Variants in ANKRD11 observed in about 807,000 individuals in gnomAD.
The protein encoded by ANKRD11 is ankyrin repeat domain 11.
Under a neutral mutation model 195.7 loss-of-function variants are expected in ANKRD11, and 17 were observed. The observed-to-expected ratio is 0.09, with a 90% CI of 0.06 to 0.13. ANKRD11 has a LOEUF of 0.13. Among genes scored for constraint, ANKRD11 ranks in the 10% least tolerant of loss-of-function variants. ANKRD11 has a pLI of 1.00. For synonymous variants in ANKRD11, 1,953 were observed against 1,528.1 expected, an observed-to-expected ratio of 1.28 and a Z score of -6.49; for missense variants, 3,735 against 3,566.1, an observed-to-expected ratio of 1.05 and a Z score of -1.21.
chr16:89,309,953 A>G (rs1482586175), intron 3 of ANKRD11, among the ~76,000 whole-genome samples: 4 of 152,146 alleles, frequency 2.6e-5, no homozygotes, highest in African/African-American at 7.2e-5. Flanking sequence ...TTATGACACG[A>G]GGTAGGCTCT....
chr16:89,390,480 T>A (rs918313778), intron 2 of ANKRD11, among the ~76,000 whole-genome samples: 3 of 151,938 alleles, frequency 2.0e-5, no homozygotes, highest in Non-Finnish European at 4.4e-5. Flanking sequence ...CAGAAAAAAA[T>A]ACGTGAAGGA....
intron 2 of ANKRD11, among the ~76,000 whole-genome samples, chr16:89,336,969 A>T (rs938788741): frequency 1.5e-5 from 2 of 132,566 alleles, no homozygotes; most frequent in African/African-American, 5.6e-5. Flanking sequence ...CAGGAGGTGG[A>T]GACTAGCCTG....
At position 89,490,555 on chromosome 16, in the gene ANKRD11, G is replaced by T; in HGVS notation, c.-455C>A. 7.1e-6 allele frequency: 3 copies of T among 423,560 alleles called. No individual in the cohort carries two copies. The highest frequency in any genetic ancestry group is 4.4e-5 in the Admixed American group (1 of 22,980). 26.2% of individuals were successfully genotyped at this position (423,560 alleles called of 1,614,324 possible). A position where few individuals can be genotyped will look rare whatever the true frequency, so the allele number is the denominator to read the frequency against. ...GGTCCATCGCGCACCGTCTCAGGGC[G>T]GCCTCTGGCTCCAGGACCCAGCGGC... On this transcript the variant is annotated 5_prime_UTR_variant, in exon 1 of 13. Transcript: ENST00000301030.
chr16:89,285,759 C>T lies in ANKRD11; in HGVS notation c.893-110G>A, dbSNP rs964836460. 7.9e-7 allele frequency: 1 copy of T among 1,273,006 alleles called. No individual in the cohort carries two copies. Among genetic ancestry groups the T allele is most frequent in the Non-Finnish European group, 1.1e-6 (1 of 884,674 alleles). 78.9% of individuals were successfully genotyped at this position (1,273,006 alleles called of 1,614,324 possible). On this transcript the variant is annotated intron_variant, in intron 8 of 12. Coordinates refer to ENST00000301030, the MANE Select transcript of ANKRD11 (RefSeq NM_013275.6). The surrounding 1 kb of genome is among the most constrained non-coding windows in gnomAD (Gnocchi z 5.6). ...TGTCTGCGGGAAGGTTCCCACCCTGCCTCTGCAGAGACACTTTGCTCGACT... is the reference window on the plus strand; with the variant it reads ...TGTCTGCGGGAAGGTTCCCACCCTGTCTCTGCAGAGACACTTTGCTCGACT...
chr16:89,430,790 A>T (rs2042945053), intron 1 of ANKRD11, among the ~76,000 whole-genome samples: 1 of 152,158 alleles, frequency 6.6e-6, no homozygotes, highest in Non-Finnish European at 1.5e-5. Context: ...CACCAAAATG[A>T]ATTGTTTCTT....
chr16:89,474,425 T>G lies in ANKRD11; in HGVS notation c.-145+15820A>C, dbSNP rs117928025. ...TGAGCCCAGGACCTTGAGACCAGCCTGGGCAACATGGTGAGACCCTGTCTC... is the reference window on the plus strand; with the variant it reads ...TGAGCCCAGGACCTTGAGACCAGCCGGGGCAACATGGTGAGACCCTGTCTC... On this transcript the variant is annotated intron_variant, in intron 1 of 12. Coordinates refer to ENST00000301030, the MANE Select transcript of ANKRD11 (RefSeq NM_013275.6). Among the ~76,000 whole-genome samples, 200 of 150,550 alleles carry G rather than the reference T, an allele frequency of 1.3e-3. 2 individuals carry two copies. In the East Asian group the frequency reaches 0.036, roughly 27 times the overall value.
chr16:89,355,262 A>G (rs2039417358), intron 2 of ANKRD11, among the ~76,000 whole-genome samples: 1 of 150,216 alleles, frequency 6.7e-6, no homozygotes, highest in South Asian at 2.1e-4. Context: ...GAGGCTCGGA[A>G]GGCGGGCAGA....
At chr16:89,407,686 T>A (rs747485) in intron 2 of ANKRD11, among the ~76,000 whole-genome samples, 12 of 150,150 alleles carry the variant, frequency 8.0e-5, no homozygotes, top group Non-Finnish European at 1.6e-4. Context: ...CACACACACA[T>A]AGACACACAC....
At chr16:89,454,068 A>G (rs1270200688) in intron 1 of ANKRD11, among the ~76,000 whole-genome samples, 1 of 152,150 alleles carries the variant, frequency 6.6e-6, no homozygotes, top group Non-Finnish European at 1.5e-5. Context: ...TCCTTCCACA[A>G]TGCAAATGAC....
chr16:89,355,697 A>G (rs2039439173), intron 2 of ANKRD11, among the ~76,000 whole-genome samples: 1 of 152,196 alleles, frequency 6.6e-6, no homozygotes, highest in Non-Finnish European at 1.5e-5. Flanking sequence ...AAACCCAAAG[A>G]TGCTCACTTG....
intron 7 of ANKRD11, chr16:89,286,489 G>T: frequency 1.9e-6 from 1 of 516,088 alleles, no homozygotes; most frequent in Non-Finnish European, 3.2e-6. Flanking sequence ...CTCCGTTGCC[G>T]CAAGTAGACG....
intron 1 of ANKRD11, among the ~76,000 whole-genome samples, chr16:89,438,143 G>A (rs1238851078): frequency 6.6e-6 from 1 of 152,222 alleles, no homozygotes; most frequent in Non-Finnish European, 1.5e-5. Context: ...CGAACCGCGT[G>A]CGCAGCCCAG....
intron 1 of ANKRD11, among the ~76,000 whole-genome samples, chr16:89,469,840 G>C (rs1250206780): frequency 7.9e-6 from 1 of 125,842 alleles, no homozygotes; most frequent in Non-Finnish European, 1.7e-5. Flanking sequence ...GGCAGTTGCA[G>C]GGAGCCAAGA....
chr16:89,375,098 G>A (rs550139585), intron 2 of ANKRD11, among the ~76,000 whole-genome samples: 7 of 152,056 alleles, frequency 4.6e-5, no homozygotes, highest in African/African-American at 1.4e-4. Context: ...ACGTAACGTC[G>A]CAGGCTCAAG....
chr16:89,291,633 C>T lies in ANKRD11; in HGVS notation c.227-450G>A, dbSNP rs1416411053. 8.0e-7 allele frequency: 1 copy of T among 1,254,300 alleles called. No homozygotes were observed. The highest frequency in any genetic ancestry group is 1.0e-6 in the Non-Finnish European group (1 of 955,912). 77.7% of individuals were successfully genotyped at this position (1,254,300 alleles called of 1,614,324 possible). ...CAGTGCAGATATAAAATGGCAGACA[C>T]AGTTTAAAACACATCAGTAAATCAA... is the stretch of plus-strand genomic sequence containing the variant. On this transcript the variant is annotated intron_variant, in intron 4 of 12. Transcript: ENST00000301030. The surrounding 1 kb of genome is among the most constrained non-coding windows in gnomAD (Gnocchi z 5.3).
At chr16:89,318,915 T>C (rs1273426738) in intron 2 of ANKRD11, among the ~76,000 whole-genome samples, 1 of 152,168 alleles carries the variant, frequency 6.6e-6, no homozygotes, top group African/African-American at 2.4e-5. Flanking sequence ...TCTCTCTACC[T>C]GAACCAATGA....
chr16:89,295,074 G>A (rs185965775), intron 4 of ANKRD11, among the ~76,000 whole-genome samples: 4 of 152,334 alleles, frequency 2.6e-5, no homozygotes, highest in African/African-American at 9.6e-5. Context: ...TGGAAAACTG[G>A]CAAGTCTAGG....
intron 1 of ANKRD11, among the ~76,000 whole-genome samples, chr16:89,466,962 T>C (rs931566584): frequency 3.9e-5 from 6 of 152,216 alleles, no homozygotes; most frequent in Non-Finnish European, 1.5e-5. Flanking sequence ...ACCCCTACCC[T>C]GTCAGTTCAT....
chr16:89,297,123 G>A (rs564333788), intron 4 of ANKRD11, among the ~76,000 whole-genome samples: 1 of 152,220 alleles, frequency 6.6e-6, no homozygotes, highest in Non-Finnish European at 1.5e-5. Context: ...ACGTGGAGGT[G>A]TGTGGCCTCA....
Sources: allele counts gnomAD v4.1 joint callset (sites outside exome capture counted in the v4.1 genomes callset), GRCh38; gene constraint gnomAD v4.1.1; non-coding constraint Gnocchi (gnomAD v3.1); transcripts MANE v1.5; gene names NCBI Gene and HGNC (gene_info 2026-07-23, HGNC 2026-07-21).